GALNTL6: variants seen among roughly 807,000 people sequenced by gnomAD.
The protein encoded by GALNTL6 is polypeptide N-acetylgalactosaminyltransferase-like 6.
A neutral mutation model predicts 73.7 loss-of-function variants in GALNTL6; 46 were observed. The ratio of observed to expected loss-of-function variants is 0.62; its 90% confidence interval spans 0.49 to 0.80. GALNTL6 has a LOEUF of 0.80. Ranked by LOEUF, GALNTL6 falls within the 30% of genes least tolerant of loss-of-function variation. The pLI is 0.00. For missense variants in GALNTL6, 604 were observed against 755.0 expected (o/e 0.80, Z 2.34); for synonymous variants, 259 against 263.7 (o/e 0.98, Z 0.17).
chr4:172,897,972 A>G (rs1247647739), intron 8 of GALNTL6, among the ~76,000 whole-genome samples: 3 of 152,224 alleles, frequency 2.0e-5, no homozygotes, highest in Admixed American at 2.0e-4. Flanking sequence ...ATTCTAATAG[A>G]TCTACTGTTC....
In GALNTL6 at chr4:172,092,197, GTTAA is replaced by G. The variant is rs559924887; in HGVS notation, c.139-137458_139-137455del. Among the ~76,000 whole-genome samples, 15 of 152,144 alleles carry G rather than the reference GTTAA, an allele frequency of 9.9e-5. No homozygotes were observed. The South Asian group carries it at 3.1e-3, about 31-fold the overall frequency. ...ATGGACAAGACCTAAAATGGCCATG[GTTAA>G]ACATGCAATTAAAAATCAAATTTGG... On this transcript the variant is annotated intron_variant, in intron 2 of 12. Transcript: ENST00000506823.
chr4:172,094,787 C>A (rs1169837491), intron 2 of GALNTL6, among the ~76,000 whole-genome samples: 1 of 152,008 alleles, frequency 6.6e-6, no homozygotes, highest in African/African-American at 2.4e-5. Context: ...ATATTTATCA[C>A]CTGTAATCCA....
At chr4:172,710,716 C>T (rs995620417) in intron 5 of GALNTL6, among the ~76,000 whole-genome samples, 87 of 152,106 alleles carry the variant, frequency 5.7e-4, no homozygotes, top group African/African-American at 1.8e-3. Context: ...ATAAGTTGGA[C>T]CCACTTGATA....
At position 172,845,523 on chromosome 4, in the gene GALNTL6, G is replaced by A. The variant is rs114786017; in HGVS notation, c.923+31800G>A. Among the ~76,000 whole-genome samples, 692 of 152,194 alleles carry A rather than the reference G, an allele frequency of 4.5e-3. 6 individuals are homozygous for A. Among genetic ancestry groups the A allele is most frequent in the African/African-American group, 0.015 (629 of 41,544 alleles). On this transcript the variant is annotated intron_variant, in intron 7 of 12. Coordinates refer to ENST00000506823, the MANE Select transcript of GALNTL6 (RefSeq NM_001034845.3). ...AGACAAAGTTACCCTTCCTGATGCC[G>A]GCTTTGAATGAGAGCATTGTTAGCA...
At chr4:172,593,498 G>A (rs1404245473) in intron 5 of GALNTL6, among the ~76,000 whole-genome samples, 1 of 152,144 alleles carries the variant, frequency 6.6e-6, no homozygotes, top group Non-Finnish European at 1.5e-5. Context: ...CAAATATGGA[G>A]AGAGAAAATT....
chr4:173,007,170 T>A (rs1414122935), intron 10 of GALNTL6, among the ~76,000 whole-genome samples: 1 of 152,176 alleles, frequency 6.6e-6, no homozygotes, highest in Non-Finnish European at 1.5e-5. Flanking sequence ...ATACTCCGTA[T>A]ATTTCATAAA....
intron 5 of GALNTL6, among the ~76,000 whole-genome samples, chr4:172,522,182 C>T (rs1046094200): frequency 6.6e-6 from 1 of 151,926 alleles, no homozygotes; most frequent in African/African-American, 2.4e-5. Flanking sequence ...AAAACCATAT[C>T]TAATGTGTTT....
At chr4:171,836,912 A>C (rs1043197889) in intron 2 of GALNTL6, among the ~76,000 whole-genome samples, 2 of 152,222 alleles carry the variant, frequency 1.3e-5, no homozygotes, top group African/African-American at 2.4e-5. Flanking sequence ...CTAAGGTATT[A>C]GAATGGAATT....
intron 2 of GALNTL6, among the ~76,000 whole-genome samples, chr4:171,987,598 G>A (rs993049546): frequency 2.6e-5 from 4 of 152,168 alleles, no homozygotes; most frequent in African/African-American, 9.7e-5. Context: ...GGAAGGGAAG[G>A]GGCCTGAATA....
intron 8 of GALNTL6, among the ~76,000 whole-genome samples, chr4:172,923,677 C>T (rs1011131305): frequency 6.6e-6 from 1 of 152,060 alleles, no homozygotes; most frequent in East Asian, 1.9e-4. Context: ...TGCTGATAAA[C>T]ACATATCCAA....
intron 5 of GALNTL6, among the ~76,000 whole-genome samples, chr4:172,371,542 T>C (rs903509940): frequency 2.6e-5 from 4 of 152,234 alleles, no homozygotes; most frequent in African/African-American, 9.6e-5. Flanking sequence ...TTCTTTCTCT[T>C]TGACTTCTTT....
chr4:172,341,446 G>T (rs1022998452), intron 4 of GALNTL6, among the ~76,000 whole-genome samples: 9 of 55,072 alleles, frequency 1.6e-4, no homozygotes, highest in African/African-American at 6.7e-4. Context: ...GCGAGACTCC[G>T]TCTCAAAAAA....
At chr4:172,434,576 T>C (rs1358357648) in intron 5 of GALNTL6, among the ~76,000 whole-genome samples, 2 of 152,114 alleles carry the variant, frequency 1.3e-5, no homozygotes, top group Non-Finnish European at 2.9e-5. Flanking sequence ...AGACAATAAA[T>C]TGTATTCTTT....
At chr4:172,900,601 A>T (rs1370861543) in intron 8 of GALNTL6, among the ~76,000 whole-genome samples, 5 of 152,224 alleles carry the variant, frequency 3.3e-5, no homozygotes, top group Non-Finnish European at 7.3e-5. Context: ...GAAGAACAGA[A>T]TATTACATTT....
intron 2 of GALNTL6, among the ~76,000 whole-genome samples, chr4:172,063,368 T>C (rs1560906687): frequency 1.3e-5 from 2 of 152,198 alleles, no homozygotes; most frequent in East Asian, 3.8e-4. Flanking sequence ...ATTTATGTTT[T>C]TTCTCATTTA....
chr4:172,025,260 T>G (rs918702471), intron 2 of GALNTL6, among the ~76,000 whole-genome samples: 3 of 152,068 alleles, frequency 2.0e-5, no homozygotes, highest in Non-Finnish European at 4.4e-5. Context: ...GAGTGAAAAT[T>G]TCTTTGCATT....
At chr4:172,608,538 T>C (rs1168809900) in intron 5 of GALNTL6, among the ~76,000 whole-genome samples, 3 of 152,202 alleles carry the variant, frequency 2.0e-5, no homozygotes, top group South Asian at 2.1e-4. Context: ...TGTAGCTTTA[T>C]AGTATAGTTT....
intron 8 of GALNTL6, among the ~76,000 whole-genome samples, chr4:172,921,569 G>A (rs1747789833): frequency 6.6e-6 from 1 of 152,194 alleles, no homozygotes; most frequent in Admixed American, 6.5e-5. Context: ...GCCGAGGCAG[G>A]TGGATCACTT....
chr4:172,925,162 G>A (rs892647753), intron 8 of GALNTL6, among the ~76,000 whole-genome samples: 9 of 148,480 alleles, frequency 6.1e-5, no homozygotes, highest in African/African-American at 2.3e-4. Flanking sequence ...ATGAGCCACC[G>A]CACCAGGCTT....
Sources: allele counts gnomAD v4.1 joint callset (sites outside exome capture counted in the v4.1 genomes callset), GRCh38; gene constraint gnomAD v4.1.1; transcripts MANE v1.5; gene names NCBI Gene and HGNC (gene_info 2026-07-23, HGNC 2026-07-21).